The following FOXK2 variants were observed in gnomAD, a reference collection of about 807,000 sequenced individuals.
FOXK2 encodes forkhead box K2.
A neutral mutation model predicts 53.3 loss-of-function variants in FOXK2; 24 were observed. The observed-to-expected ratio is 0.45, with a 90% CI of 0.33 to 0.63. The LOEUF is 0.63. Ranked by LOEUF, FOXK2 falls within the 30% of genes least tolerant of loss-of-function variation. FOXK2 has a pLI of 0.03. For missense variants in FOXK2, 952 were observed against 910.5 expected (o/e 1.05, Z -0.59); for synonymous variants, 505 against 407.1 (o/e 1.24, Z -2.89).
chr17:82,585,164 A>C (rs1027606174), intron 6 of FOXK2: 4 of 152,152 alleles, frequency 2.6e-5, no homozygotes, highest in African/African-American at 9.7e-5. Context: ...AAGCCCCCAA[A>C]CCACAAAGGG....
intron 4 of FOXK2, chr17:82,572,173 C>A: frequency 3.8e-6 from 1 of 262,402 alleles, no homozygotes; most frequent in Non-Finnish European, 7.1e-6. Context: ...TTCCCTTTGA[C>A]CAATGCAGTT....
intron 1 of FOXK2, among the ~76,000 whole-genome samples, chr17:82,552,204 C>T (rs2044683985): frequency 6.6e-6 from 1 of 152,200 alleles, no homozygotes; most frequent in Non-Finnish European, 1.5e-5. Context: ...TTTTCTTTTT[C>T]TTTTGAAATT....
In FOXK2 at chr17:82,570,917, T is replaced by C. The variant is rs187212337; in HGVS notation, c.763-807T>C. On this transcript the variant is annotated intron_variant, in intron 3 of 8. Coordinates refer to ENST00000335255, the MANE Select transcript of FOXK2 (RefSeq NM_004514.4). ...CGGGGCACTCAGCAGCCAGGATGTC[T>C]CCAACCCCAAGGTGAAGCCTCCATG... 3.3e-5 allele frequency among the ~76,000 whole-genome samples: 5 copies of C among 152,292 alleles called. No homozygotes were observed. The East Asian group carries it at 9.7e-4, about 29-fold the overall frequency.
intron 1 of FOXK2, among the ~76,000 whole-genome samples, chr17:82,540,684 G>A (rs1251389357): frequency 1.3e-5 from 2 of 152,174 alleles, no homozygotes; most frequent in African/African-American, 2.4e-5. Flanking sequence ...GAAGGTTCCT[G>A]CTCAGATGCT....
chr17:82,601,150 C>T (rs556978557), intron 8 of FOXK2, 153 bp from the exon 9 acceptor site: 17 of 820,702 alleles, frequency 2.1e-5, no homozygotes, highest in Middle Eastern at 3.8e-4. Context: ...TGGGAGCCTC[C>T]GCGGGCCTGG....
At chr17:82,534,904 AG>A (rs2044505938) in intron 1 of FOXK2, among the ~76,000 whole-genome samples, 1 of 152,206 alleles carries the variant, frequency 6.6e-6, no homozygotes, top group African/African-American at 2.4e-5. Flanking sequence ...TTTTGGGGGC[AG>A]GTTCTTGCTC....
At chr17:82,525,779 A>G (rs925416365) in intron 1 of FOXK2, among the ~76,000 whole-genome samples, 9 of 152,240 alleles carry the variant, frequency 5.9e-5, no homozygotes, top group Non-Finnish European at 1.2e-4. Flanking sequence ...AACGTGCTAA[A>G]TTAAAACTCT....
chr17:82,595,685 G>T, intron 8 of FOXK2: 1 of 977,932 alleles, frequency 1.0e-6, no homozygotes, highest in South Asian at 1.5e-5. Context: ...TAACAGTGGG[G>T]TCGGTCCCTG....
At chr17:82,550,562 G>A (rs2044666522) in intron 1 of FOXK2, among the ~76,000 whole-genome samples, 1 of 150,720 alleles carries the variant, frequency 6.6e-6, no homozygotes, top group East Asian at 2.0e-4. Flanking sequence ...GAGTGCAGTG[G>A]CGCAATCTCG....
At chr17:82,562,463 C>T (rs2044807196) in intron 1 of FOXK2, among the ~76,000 whole-genome samples, 1 of 152,036 alleles carries the variant, frequency 6.6e-6, no homozygotes, top group Non-Finnish European at 1.5e-5. Flanking sequence ...GCCTGTAATC[C>T]CAGCTACTCA....
At chr17:82,594,739 G>C (rs1468578578) in intron 8 of FOXK2, among the ~76,000 whole-genome samples, 1 of 152,146 alleles carries the variant, frequency 6.6e-6, no homozygotes, top group Non-Finnish European at 1.5e-5. Context: ...GAGGAACTTA[G>C]TTCTTTCCCT....
At chr17:82,592,591 T>G (rs1201587377) in intron 8 of FOXK2, among the ~76,000 whole-genome samples, 1 of 152,246 alleles carries the variant, frequency 6.6e-6, no homozygotes, top group East Asian at 1.9e-4. Context: ...GCCTTTCGCT[T>G]CTTTCGTTAA....
rs79387310 is a variant in FOXK2 at position 82,596,227 on chromosome 17, C to G, written c.1787-5076C>G. 9.4e-4 allele frequency: 933 copies of G among 987,724 alleles called. 11 individuals carry two copies. The African/African-American group carries it at 0.015, about 15-fold the overall frequency. The allele number at this position is 987,724 out of a possible 1,614,324, so 61.2% of individuals were successfully genotyped here. ...GCTTCGCCTTCAGTAGCCTGAGTCC[C>G]TTCTTCTTTTTCTTTCACGTTACTA... On this transcript the variant is annotated intron_variant, in intron 8 of 8. Transcript: ENST00000335255.
At chr17:82,582,479 A>G (rs1463364713) in intron 4 of FOXK2, among the ~76,000 whole-genome samples, 1 of 152,198 alleles carries the variant, frequency 6.6e-6, no homozygotes, top group Non-Finnish European at 1.5e-5. Context: ...TCCACACAGC[A>G]CAGCCTGTAA....
intron 3 of FOXK2, among the ~76,000 whole-genome samples, 199 bp from the exon 4 acceptor site, chr17:82,571,525 C>T (rs1453730301): frequency 3.3e-5 from 5 of 152,132 alleles, no homozygotes; most frequent in Non-Finnish European, 7.4e-5. Flanking sequence ...CGCTTGAACT[C>T]AGAGGGCGGA....
intron 1 of FOXK2, among the ~76,000 whole-genome samples, chr17:82,553,460 G>A (rs1213814421): frequency 1.3e-5 from 2 of 152,256 alleles, no homozygotes; most frequent in Non-Finnish European, 2.9e-5. Context: ...CCTGAGCTGT[G>A]TTGGCCCTGG....
At chr17:82,571,703 G>A (rs771047193) in intron 3 of FOXK2, 21 bp from the exon 4 acceptor site, 3 of 1,496,128 alleles carry the variant, frequency 2.0e-6, no homozygotes, top group Non-Finnish European at 2.7e-6. Context: ...TATTCGTTTT[G>A]TGTTTGTTTT....
At chr17:82,522,041 C>T (rs1194266156) in intron 1 of FOXK2, among the ~76,000 whole-genome samples, 12 of 107,256 alleles carry the variant, frequency 1.1e-4, no homozygotes, top group South Asian at 3.1e-4. Flanking sequence ...TTTAATCTGA[C>T]TTTTTTTTTT....
rs956332332 is a variant in FOXK2, at chr17:82,604,470, A to AGAT, written c.*2972_*2974dup. 1 of 152,612 alleles carries AGAT rather than the reference A, an allele frequency of 6.6e-6. No individual in the cohort carries two copies. The highest frequency in any genetic ancestry group is 2.4e-5 in the African/African-American group (1 of 41,436). 9.5% of individuals were successfully genotyped at this position (152,612 alleles called of 1,614,324 possible). ...GGTTTCTGTGCTGTGTGACACAAGG[A>AGAT]GATAAGTGACAATCTTGAAGTCCTA... is the stretch of plus-strand genomic sequence containing the variant. On this transcript the variant is annotated 3_prime_UTR_variant, in exon 9 of 9. Coordinates refer to ENST00000335255, the MANE Select transcript of FOXK2 (RefSeq NM_004514.4).
Sources: gnomAD v4.1 joint callset for allele counts (sites outside exome capture counted in the v4.1 genomes callset) on GRCh38, gnomAD v4.1.1 for gene constraint, MANE v1.5 for transcripts, NCBI Gene and HGNC (gene_info 2026-07-23, HGNC 2026-07-21) for gene names.